Variants in PDE11A observed in about 807,000 individuals in gnomAD.
PDE11A encodes phosphodiesterase 11A, also known as dual 3',5'-cyclic-AMP and -GMP phosphodiesterase 11A.
A neutral mutation model predicts 100.5 loss-of-function variants in PDE11A; 100 were observed. The observed-to-expected ratio is 1.00, with a 90% CI of 0.85 to 1.18. The LOEUF is 1.18. Among genes scored for constraint, PDE11A ranks in the 50% most tolerant of loss-of-function variants. The pLI is 0.00. For missense variants in PDE11A, 1,141 were observed against 1,152.6 expected (o/e 0.99, Z 0.15); for synonymous variants, 381 against 420.8 (o/e 0.91, Z 1.16).
chr2:177,855,667 T>C (rs1203036788), intron 5 of PDE11A, among the ~76,000 whole-genome samples: 1 of 152,032 alleles, frequency 6.6e-6, no homozygotes, highest in East Asian at 1.9e-4. Flanking sequence ...TCACAGAACT[T>C]GTCTTTATTT....
intron 2 of PDE11A, among the ~76,000 whole-genome samples, chr2:177,984,102 G>T (rs569911019): frequency 1.4e-4 from 22 of 152,248 alleles, no homozygotes; most frequent in African/African-American, 4.8e-4. Context: ...CTGTGCAATT[G>T]TTGGACAGCT....
chr2:177,880,353 C>T (rs568639495), intron 4 of PDE11A, among the ~76,000 whole-genome samples: 28 of 152,254 alleles, frequency 1.8e-4, no homozygotes, highest in African/African-American at 5.5e-4. Context: ...CAGGTCAACC[C>T]TATTTTTGTG....
intron 2 of PDE11A, among the ~76,000 whole-genome samples, chr2:178,083,189 T>A (rs2087308753): frequency 6.7e-6 from 1 of 149,278 alleles, no homozygotes; most frequent in East Asian, 2.0e-4. Context: ...AACCTCTGCC[T>A]CCCGGGTTCA....
At chr2:177,717,582 G>A (rs868101207) in intron 12 of PDE11A, among the ~76,000 whole-genome samples, 8 of 151,926 alleles carry the variant, frequency 5.3e-5, no homozygotes, top group African/African-American at 1.5e-4. Flanking sequence ...CTCACAGTTC[G>A]TATCAGAAAT....
chr2:177,947,360 T>C (rs2085456131), intron 2 of PDE11A, among the ~76,000 whole-genome samples: 1 of 151,346 alleles, frequency 6.6e-6, no homozygotes, highest in South Asian at 2.1e-4. Flanking sequence ...AGAAATCGGA[T>C]GGTTGCCGTG....
chr2:177,959,173 A>T (rs2085601478), intron 2 of PDE11A, among the ~76,000 whole-genome samples: 2 of 152,204 alleles, frequency 1.3e-5, no homozygotes, highest in African/African-American at 4.8e-5. Context: ...AGGAATGAAG[A>T]CATGTAACAA....
chr2:178,004,972 A>G lies in PDE11A; in HGVS notation c.1071+9330T>C, dbSNP rs115595726. Among the ~76,000 whole-genome samples, 680 of 152,278 alleles carry G rather than the reference A, an allele frequency of 4.5e-3. 1 individual carries two copies. Among genetic ancestry groups the G allele is most frequent in the Non-Finnish European group, 7.4e-3 (502 of 68,010 alleles). ...TACTTAAGGTGAACATAATAATAAGACAATACTTTCTTGAACTTCAAGTTT... is the reference window on the plus strand; with the variant it reads ...TACTTAAGGTGAACATAATAATAAGGCAATACTTTCTTGAACTTCAAGTTT... On this transcript the variant is annotated intron_variant, in intron 2 of 19. Transcript: ENST00000286063.
intron 9 of PDE11A, among the ~76,000 whole-genome samples, chr2:177,786,230 T>G (rs1196829441): frequency 6.6e-6 from 1 of 152,142 alleles, no homozygotes; most frequent in Non-Finnish European, 1.5e-5. Flanking sequence ...TCGCGGTTCA[T>G]GAAAATCCGC....
At chr2:177,866,512 T>A (rs2084033189) in intron 5 of PDE11A, among the ~76,000 whole-genome samples, 1 of 152,212 alleles carries the variant, frequency 6.6e-6, no homozygotes, top group South Asian at 2.1e-4. Context: ...CACATTTGTT[T>A]CTCCTGAAAA....
At chr2:177,631,996 G>T (rs1284336464) in intron 19 of PDE11A, among the ~76,000 whole-genome samples, 2 of 152,122 alleles carry the variant, frequency 1.3e-5, no homozygotes, top group African/African-American at 4.8e-5. Flanking sequence ...AGGAAGGTAA[G>T]AATCCATATA....
intron 2 of PDE11A, among the ~76,000 whole-genome samples, chr2:178,091,326 C>T (rs1457781220): frequency 6.6e-6 from 1 of 152,184 alleles, no homozygotes; most frequent in East Asian, 1.9e-4. Flanking sequence ...GCACCTCGGC[C>T]TCCCAAAGTG....
chr2:177,897,124 G>T (rs1204448578), intron 4 of PDE11A, among the ~76,000 whole-genome samples: 1 of 152,100 alleles, frequency 6.6e-6, no homozygotes, highest in African/African-American at 2.4e-5. Context: ...GTAAAGTGTG[G>T]CAAAATAACA....
exon 2 of PDE11A, chr2:178,104,323 T>C: frequency 6.2e-7 from 1 of 1,614,104 alleles, no homozygotes; most frequent in Non-Finnish European, 8.5e-7. Flanking sequence ...TTTGCCTCTG[T>C]ATAAGAAAAT....
chr2:178,093,428 A>T lies in PDE11A; in HGVS notation c.162+10874T>A, dbSNP rs1006014085. On this transcript the variant is annotated intron_variant, in intron 2 of 20. Coordinates refer to the PDE11A transcript ENST00000358450. ...TATTTGCATGTTTTTTCTACCTATC[A>T]TACCAAGCTGCCTCTATCCAGATCT... Among the ~76,000 whole-genome samples, 3 of 150,402 alleles carry T rather than the reference A, an allele frequency of 2.0e-5. No individual in the cohort carries two copies. In the East Asian group the frequency reaches 5.8e-4, roughly 29 times the overall value.
intron 1 of PDE11A, among the ~76,000 whole-genome samples, chr2:178,019,408 T>C (rs1307276099): frequency 2.6e-5 from 4 of 152,158 alleles, no homozygotes; most frequent in African/African-American, 7.2e-5. Context: ...CCTACAAGTA[T>C]AAAAGTATAA....
chr2:177,677,971 A>C (rs2080804585), intron 16 of PDE11A: 1 of 152,230 alleles, frequency 6.6e-6, no homozygotes, highest in Admixed American at 6.5e-5. Context: ...ACAATTTAAA[A>C]TGAACAAATT....
intron 2 of PDE11A, among the ~76,000 whole-genome samples, chr2:177,957,773 G>C (rs1392926816): frequency 6.6e-6 from 1 of 151,990 alleles, no homozygotes. Context: ...TAATAAACAA[G>C]AGCAATACAT....
At chr2:178,097,029 G>A (rs1360985760) in intron 2 of PDE11A, among the ~76,000 whole-genome samples, 1 of 152,088 alleles carries the variant, frequency 6.6e-6, no homozygotes, top group African/African-American at 2.4e-5. Flanking sequence ...TGGGACTATA[G>A]GCACATGCCA....
chr2:177,749,001 A>G (rs1246897206), intron 10 of PDE11A, among the ~76,000 whole-genome samples: 1 of 152,234 alleles, frequency 6.6e-6, no homozygotes, highest in Non-Finnish European at 1.5e-5. Context: ...AGCTTTTACC[A>G]CAACTAGAAA....
Sources: allele counts gnomAD v4.1 joint callset (sites outside exome capture counted in the v4.1 genomes callset), GRCh38; gene constraint gnomAD v4.1.1; transcripts MANE v1.5; gene names NCBI Gene and HGNC (gene_info 2026-07-23, HGNC 2026-07-21).